BIN1: variants seen among roughly 807,000 people sequenced by gnomAD.
The protein encoded by BIN1 is myc box-dependent-interacting protein 1.
Under a neutral mutation model 82.0 loss-of-function variants are expected in BIN1, and 53 were observed. The observed-to-expected ratio is 0.65, with a 90% CI of 0.52 to 0.81. BIN1 has a LOEUF of 0.81. Among genes scored for constraint, BIN1 ranks in the 40% least tolerant of loss-of-function variants. The pLI, the probability that BIN1 is intolerant of heterozygous loss-of-function variation, is 0.00. For synonymous variants in BIN1, 302 were observed against 328.0 expected (o/e 0.92, Z 0.86); for missense variants, 642 against 784.4 (o/e 0.82, Z 2.17).
intron 1 of BIN1, among the ~76,000 whole-genome samples, chr2:127,079,372 T>A (rs1687014800): frequency 6.6e-6 from 1 of 152,232 alleles, no homozygotes; most frequent in South Asian, 2.1e-4. Context: ...TGGCCCATGA[T>A]ATTCAAGAAA....
At chr2:127,092,796 G>A (rs745552796) in intron 1 of BIN1, among the ~76,000 whole-genome samples, 4 of 152,182 alleles carry the variant, frequency 2.6e-5, no homozygotes, top group Non-Finnish European at 4.4e-5. Flanking sequence ...TTGGGAAGGG[G>A]AGGCAGGGAC....
intron 1 of BIN1, 108 bp from the exon 2 acceptor site, chr2:127,076,814 G>A: frequency 7.7e-7 from 1 of 1,299,956 alleles, no homozygotes; most frequent in Non-Finnish European, 1.1e-6. Context: ...GAAGTCTCTA[G>A]CCAACATCAC....
chr2:127,087,327 T>G (rs1558867277), intron 1 of BIN1, among the ~76,000 whole-genome samples: 1 of 152,058 alleles, frequency 6.6e-6, no homozygotes, highest in Non-Finnish European at 1.5e-5. Flanking sequence ...AAGGGAAGGC[T>G]CCCGCCCCAG....
Position 127,076,752 on chromosome 2 carries a change from G to C in BIN1, c.85-46C>G. 6 of 1,609,438 alleles carry C rather than the reference G, an allele frequency of 3.7e-6. No homozygotes were observed. In the African/African-American group the frequency reaches 6.7e-5, roughly 18 times the overall value. Reference sequence around the variant, plus strand: ...GGGGAGAGTGTTACCTTGGAAAGGAGAGTGGTCAAACCAAGAGTGCTCAGT... The same window carrying C: ...GGGGAGAGTGTTACCTTGGAAAGGACAGTGGTCAAACCAAGAGTGCTCAGT... On this transcript the variant is annotated intron_variant, in intron 1 of 18. Coordinates refer to ENST00000316724, the MANE Select transcript of BIN1 (RefSeq NM_139343.3).
intron 1 of BIN1, among the ~76,000 whole-genome samples, chr2:127,076,982 T>C (rs1255820485): frequency 1.3e-5 from 2 of 152,064 alleles, no homozygotes; most frequent in Non-Finnish European, 2.9e-5. Context: ...GGAGGGAGGC[T>C]TCAAAGATGG....
intron 1 of BIN1, among the ~76,000 whole-genome samples, chr2:127,095,371 A>C (rs1465445392): frequency 6.6e-6 from 1 of 152,150 alleles, no homozygotes. Flanking sequence ...GGTCCCCTGC[A>C]CCATGCCTCC....
At chr2:127,106,397 G>A (rs973834636) in intron 1 of BIN1, among the ~76,000 whole-genome samples, 1 of 152,230 alleles carries the variant, frequency 6.6e-6, no homozygotes, top group African/African-American at 2.4e-5. Flanking sequence ...TGGGAGTCCG[G>A]GGGAATAGTG....
intron 12 of BIN1, chr2:127,054,529 C>T (rs1270449360): frequency 6.2e-6 from 1 of 161,988 alleles, no homozygotes; most frequent in Non-Finnish European, 1.3e-5. Context: ...TTCACACTGG[C>T]TTTTCCTCCA....
chr2:127,069,868 C>T, intron 5 of BIN1, 127 bp downstream of exon 5: 1 of 953,450 alleles, frequency 1.0e-6, no homozygotes. Context: ...AGGGGTGAAA[C>T]ACCGGGCCAG....
chr2:127,065,956 G>A (rs1182799297), intron 7 of BIN1, among the ~76,000 whole-genome samples: 2 of 152,216 alleles, frequency 1.3e-5, no homozygotes, highest in Non-Finnish European at 2.9e-5. Context: ...CAGCTCCACT[G>A]AAGCTAACAG....
chr2:127,082,099 G>A lies in BIN1; in HGVS notation c.85-5393C>T, dbSNP rs1347763140. On this transcript the variant is annotated intron_variant, in intron 1 of 18. Transcript: ENST00000316724. This position sits in a 1 kb window ranked among gnomAD's most constrained non-coding sequence, Gnocchi z 6.1. ...TCCCGAGGGAGACACCCCAAGAGGC[G>A]AAAGGGAGGAGGGCCCCTAGAACAG... Among the ~76,000 whole-genome samples the A allele has an allele frequency of 2.0e-5, 3 of 152,266 alleles. No individual in the cohort carries two copies. The highest frequency in any genetic ancestry group is 2.1e-4 in the South Asian group (1 of 4,828).
intron 1 of BIN1, among the ~76,000 whole-genome samples, chr2:127,080,431 G>GA: frequency 6.6e-6 from 1 of 152,246 alleles, no homozygotes; most frequent in South Asian, 2.1e-4. Flanking sequence ...GGAGTTGGGT[G>GA]AGGAGGAGGG....
intron 1 of BIN1, among the ~76,000 whole-genome samples, chr2:127,086,633 G>T (rs1678203820): frequency 1.3e-5 from 2 of 151,848 alleles, no homozygotes; most frequent in Non-Finnish European, 1.5e-5. Flanking sequence ...TCAGCCTCCA[G>T]AGTCGCTGGG....
intron 2 of BIN1, among the ~76,000 whole-genome samples, chr2:127,076,150 T>C (rs920106051): frequency 6.6e-6 from 1 of 152,106 alleles, no homozygotes; most frequent in African/African-American, 2.4e-5. Context: ...CAATTGGAGA[T>C]GGCTGCGGAT....
At chr2:127,071,036 T>C (rs1369781374) in intron 2 of BIN1, among the ~76,000 whole-genome samples, 1 of 152,076 alleles carries the variant, frequency 6.6e-6, no homozygotes, top group Non-Finnish European at 1.5e-5. Context: ...GCACCTGCCA[T>C]CTTCCAGATG....
At position 127,063,991 on chromosome 2, in the gene BIN1, T is replaced by C; in HGVS notation, c.640A>G (p.Lys214Glu). 1 of 1,613,832 alleles carries C rather than the reference T, an allele frequency of 6.2e-7. No homozygotes were observed. The highest frequency in any genetic ancestry group is 1.1e-5 in the South Asian group (1 of 91,086). ...TCCACATTCATCTCCTCAAACACCT[T>C]CTGGGCTTTGATGAGCTCCTCCTCG... is the stretch of plus-strand genomic sequence containing the variant. ...QAEEELIKAQ[K>E]VFEEMNVDLQ... The change falls in exon 8 of 19, where the codon AAG (lysine) becomes GAG (glutamate). Residue 214 changes from lysine to glutamate, a missense_variant. By Grantham distance (56) the Lys-to-Glu change is moderately conservative (BLOSUM62 1). Transcript: ENST00000316724.
chr2:127,076,483 T>C (rs1686631091), intron 2 of BIN1, 143 bp downstream of exon 2: 1 of 935,646 alleles, frequency 1.1e-6, no homozygotes, highest in African/African-American at 1.6e-5. Flanking sequence ...CTCCCTCCTC[T>C]AGGAAGTCTT....
At chr2:127,102,976 G>A (rs1304240441) in intron 1 of BIN1, among the ~76,000 whole-genome samples, 12 of 152,198 alleles carry the variant, frequency 7.9e-5, no homozygotes, top group Admixed American at 7.9e-4. Context: ...AGGACAGAAG[G>A]ACAGAGATGG....
chr2:127,071,537 C>A (rs1227068264), intron 2 of BIN1, among the ~76,000 whole-genome samples: 1 of 152,126 alleles, frequency 6.6e-6, no homozygotes, highest in Non-Finnish European at 1.5e-5. Context: ...GCAGGACCAG[C>A]AGAGACAGTA....
Sources: gnomAD v4.1 joint callset for allele counts (sites outside exome capture counted in the v4.1 genomes callset) on GRCh38, gnomAD v4.1.1 for gene constraint, Gnocchi (gnomAD v3.1) non-coding constraint, MANE v1.5 for transcripts, NCBI Gene and HGNC (gene_info 2026-07-23, HGNC 2026-07-21) for gene names.